Variants in SKAP1 observed in about 807,000 individuals in gnomAD.
SKAP1 encodes src kinase-associated phosphoprotein 1.
Under a neutral mutation model 58.5 loss-of-function variants are expected in SKAP1, and 44 were observed. That is an observed-to-expected ratio of 0.75 (90% CI 0.59 to 0.97). The LOEUF (loss-of-function observed/expected upper bound fraction) is 0.97. Among genes scored for constraint, SKAP1 ranks in the 50% least tolerant of loss-of-function variants. The pLI is 0.00. For synonymous variants in SKAP1, 127 were observed against 149.7 expected, an observed-to-expected ratio of 0.85 and a Z score of 1.11; for missense variants, 390 against 435.2, an observed-to-expected ratio of 0.90 and a Z score of 0.92.
chr17:48,260,821 C>CCA (rs1444633402), intron 4 of SKAP1, among the ~76,000 whole-genome samples: 2 of 152,056 alleles, frequency 1.3e-5, no homozygotes, highest in East Asian at 3.9e-4. Flanking sequence ...AATTGGTTAA[C>CCA]CACACACACA....
intron 1 of SKAP1, among the ~76,000 whole-genome samples, chr17:48,424,801 G>A (rs1001505443): frequency 6.6e-6 from 1 of 151,416 alleles, no homozygotes; most frequent in Non-Finnish European, 1.5e-5. Flanking sequence ...GTGTGGTGGC[G>A]TGGGCCTGTA....
chr17:48,406,825 C>G (rs1290851902), intron 1 of SKAP1, among the ~76,000 whole-genome samples: 1 of 152,114 alleles, frequency 6.6e-6, no homozygotes, highest in African/African-American at 2.4e-5. Context: ...CTCGGCCTCC[C>G]AAAGTGCTGG....
chr17:48,363,896 C>T, intron 2 of SKAP1, 82 bp from the exon 3 acceptor site: 1 of 1,140,884 alleles, frequency 8.8e-7, no homozygotes, highest in South Asian at 1.6e-5. Context: ...AGCTATAGCA[C>T]CTGGTCCAAA....
At chr17:48,166,769 A>G (rs768604337) in intron 10 of SKAP1, among the ~76,000 whole-genome samples, 24 of 152,218 alleles carry the variant, frequency 1.6e-4, no homozygotes, top group Admixed American at 1.6e-3. Flanking sequence ...AAAAAACGCC[A>G]AAGTAGTGAC....
intron 11 of SKAP1, among the ~76,000 whole-genome samples, chr17:48,159,963 C>A (rs1178444154): frequency 6.6e-6 from 1 of 152,064 alleles, no homozygotes; most frequent in African/African-American, 2.4e-5. Context: ...GGGAAGGGAG[C>A]CAGCTGGTGT....
chr17:48,169,553 C>A (rs11654116), intron 10 of SKAP1, among the ~76,000 whole-genome samples: 1,616 of 152,364 alleles, frequency 0.011, 15 homozygotes, highest in Non-Finnish European at 0.017. Flanking sequence ...CCCGCCTCCA[C>A]TGCTTTCTTT....
intron 3 of SKAP1, among the ~76,000 whole-genome samples, chr17:48,350,600 G>T (rs1389053517): frequency 6.6e-6 from 1 of 152,184 alleles, no homozygotes; most frequent in Non-Finnish European, 1.5e-5. Flanking sequence ...GGAGGCTGAG[G>T]CAGGAGAATC....
intron 8 of SKAP1, 44 bp from the exon 9 acceptor site, chr17:48,180,292 G>A: frequency 7.1e-7 from 1 of 1,411,816 alleles, no homozygotes; most frequent in Non-Finnish European, 9.5e-7. Context: ...CAGAGAAAAA[G>A]AAAATAAGAC....
intron 4 of SKAP1, among the ~76,000 whole-genome samples, chr17:48,278,198 T>C (rs1339104715): frequency 6.6e-6 from 1 of 152,212 alleles, no homozygotes; most frequent in Non-Finnish European, 1.5e-5. Flanking sequence ...ATAATCATTT[T>C]CTTGTATCTC....
intron 1 of SKAP1, among the ~76,000 whole-genome samples, chr17:48,428,101 A>G (rs2067873328): frequency 6.6e-6 from 1 of 152,182 alleles, no homozygotes; most frequent in African/African-American, 2.4e-5. Context: ...TAAAAAACAT[A>G]TCTTCAAACA....
intron 2 of SKAP1, among the ~76,000 whole-genome samples, chr17:48,388,160 G>A (rs1056405294): frequency 6.6e-6 from 1 of 152,110 alleles, no homozygotes; most frequent in African/African-American, 2.4e-5. Flanking sequence ...ATGGGGCTGG[G>A]CTTGGTGGCT....
At chr17:48,374,384 T>C (rs2067127706) in intron 2 of SKAP1, among the ~76,000 whole-genome samples, 1 of 152,118 alleles carries the variant, frequency 6.6e-6, no homozygotes, top group African/African-American at 2.4e-5. Context: ...TCTGAATGCA[T>C]AGGCTGTCTG....
At chr17:48,338,692 C>G (rs1417920695) in intron 4 of SKAP1, among the ~76,000 whole-genome samples, 1 of 152,100 alleles carries the variant, frequency 6.6e-6, no homozygotes, top group East Asian at 1.9e-4. Context: ...TAAACACACA[C>G]CAACAGCCCA....
intron 4 of SKAP1, among the ~76,000 whole-genome samples, chr17:48,217,579 G>A (rs2064955279): frequency 6.6e-6 from 1 of 152,146 alleles, no homozygotes; most frequent in Non-Finnish European, 1.5e-5. Flanking sequence ...CCAAGAGGTC[G>A]AGACTGCAGT....
chr17:48,354,091 G>A (rs1054303555), intron 3 of SKAP1, among the ~76,000 whole-genome samples: 1 of 152,142 alleles, frequency 6.6e-6, no homozygotes, highest in African/African-American at 2.4e-5. Context: ...GGTAAGATTA[G>A]CAGGCCTAAA....
At chr17:48,271,372 T>TC (rs1567847121) in intron 4 of SKAP1, among the ~76,000 whole-genome samples, 1 of 145,678 alleles carries the variant, frequency 6.9e-6, no homozygotes, top group Non-Finnish European at 1.5e-5. Context: ...CTTTTTTTTT[T>TC]TTTTTTTTTT....
intron 4 of SKAP1, among the ~76,000 whole-genome samples, chr17:48,204,993 CTTTCTTTCTTTCTTTCTTTCTT>C (rs1160560116): frequency 3.3e-4 from 17 of 52,144 alleles, no homozygotes; most frequent in Admixed American, 1.1e-3. Flanking sequence ...TTCTTTCTTT[CTTTCTTTCTTTCTTTCTTTCTT>C]TTTCTTTCTT....
chr17:48,386,602 G>C (rs2144500176), intron 2 of SKAP1, among the ~76,000 whole-genome samples: 1 of 152,270 alleles, frequency 6.6e-6, no homozygotes, highest in Middle Eastern at 3.4e-3. Flanking sequence ...CTAAAGACTA[G>C]CGAAAGCAAT....
At chr17:48,214,060 T>G (rs2064908776) in intron 4 of SKAP1, among the ~76,000 whole-genome samples, 1 of 152,212 alleles carries the variant, frequency 6.6e-6, no homozygotes, top group South Asian at 2.1e-4. Flanking sequence ...AAGTACAGCT[T>G]AGCATTTCAT....
Sources: allele counts gnomAD v4.1 joint callset (sites outside exome capture counted in the v4.1 genomes callset), GRCh38; gene constraint gnomAD v4.1.1; transcripts MANE v1.5; gene names NCBI Gene and HGNC (gene_info 2026-07-23, HGNC 2026-07-21).